Variants in TOPAZ1 observed in about 807,000 individuals in gnomAD.
TOPAZ1 encodes the protein testis and ovary specific TOPAZ 1.
In TOPAZ1, 66 loss-of-function variants were observed where a neutral mutation model predicts 172.2. The observed-to-expected ratio is 0.38, with a 90% CI of 0.31 to 0.47. The LOEUF is 0.47. TOPAZ1 is among the 20% of genes least tolerant of loss of function. The pLI, the probability that TOPAZ1 is intolerant of heterozygous loss-of-function variation, is 0.99. For synonymous variants in TOPAZ1, 681 were observed against 683.9 expected (o/e 1.00, Z 0.07); for missense variants, 1,822 against 1,972.4 (o/e 0.92, Z 1.44).
At chr3:44,330,182 G>C (rs1220531817) in intron 19 of TOPAZ1, among the ~76,000 whole-genome samples, 1 of 152,018 alleles carries the variant, frequency 6.6e-6, no homozygotes, top group Non-Finnish European at 1.5e-5. Flanking sequence ...TTTTCTTATA[G>C]TTCTTTTTTT....
At chr3:44,253,965 A>G (rs1699665029) in intron 2 of TOPAZ1, among the ~76,000 whole-genome samples, 1 of 152,152 alleles carries the variant, frequency 6.6e-6, no homozygotes, top group Admixed American at 6.5e-5. Context: ...ATTTTTGTCT[A>G]AGTGATTAAA....
rs1699539266 is a variant in TOPAZ1 at position 44,244,688 on chromosome 3, C to G, written c.2182C>G (p.Gln728Glu). 4 of 1,551,246 alleles carry G rather than the reference C, an allele frequency of 2.6e-6. No homozygotes were observed. The highest frequency in any genetic ancestry group is 2.0e-5 in the Admixed American group (1 of 50,966). The change falls in exon 2 of 20, where the codon CAG (glutamine) becomes GAG (glutamate). Residue 728 changes from glutamine (Q) to glutamate (E), a missense_variant. By Grantham distance (29) the Gln-to-Glu change is conservative (BLOSUM62 2). This residue lies in a region of TOPAZ1 where 1,489 missense variants were observed against 1,490.8 expected (regional missense o/e 1.00). Coordinates refer to ENST00000309765, the MANE Select transcript of TOPAZ1 (RefSeq NM_001145030.2). ...CAATTTATCTGGAGCAGACGTAAGA[C>G]AGAACAGGAGTAAAGAAAATGTCTC... ...LDNLSGADVR[Q>E]NRSKENVSMM...
intron 2 of TOPAZ1, among the ~76,000 whole-genome samples, chr3:44,249,042 A>G (rs557423681): frequency 1.3e-5 from 2 of 152,188 alleles, no homozygotes; most frequent in African/African-American, 2.4e-5. Flanking sequence ...TAATGGCTGA[A>G]ATTGGTAAAA....
intron 12 of TOPAZ1, among the ~76,000 whole-genome samples, chr3:44,295,525 G>A (rs993255280): frequency 6.6e-6 from 1 of 152,066 alleles, no homozygotes; most frequent in African/African-American, 2.4e-5. Context: ...TTCATTGTAA[G>A]GATATAGGTA....
At chr3:44,299,845 C>T (rs1394355153) in intron 12 of TOPAZ1, among the ~76,000 whole-genome samples, 7 of 144,112 alleles carry the variant, frequency 4.9e-5, no homozygotes, top group African/African-American at 1.5e-4. Context: ...AGTAAACTAT[C>T]GCAAGAACAA....
At chr3:44,319,900 A>C (rs1170969867) in intron 16 of TOPAZ1, among the ~76,000 whole-genome samples, 1 of 152,216 alleles carries the variant, frequency 6.6e-6, no homozygotes, top group Non-Finnish European at 1.5e-5. Context: ...CACAAAATAA[A>C]AGGATTACTT....
rs79510628 is a variant in TOPAZ1 at position 44,245,307 on chromosome 3, G to C, written c.2765+36G>C. On this transcript the variant is annotated intron_variant, in intron 2 of 19. Coordinates refer to ENST00000309765, the MANE Select transcript of TOPAZ1 (RefSeq NM_001145030.2). ...TCAAGTATTCCTTTTAGTGCAGATT[G>C]TTGGGGGTTAGAAAAGCAGTCTCTT... The C allele has an allele frequency of 2.2e-3, 3,227 of 1,475,154 alleles. 77 individuals carry two copies. In the African/African-American group the frequency reaches 0.041, roughly 19 times the overall value. 91.4% of individuals were successfully genotyped at this position (1,475,154 alleles called of 1,614,324 possible).
chr3:44,268,364 TTC>T lies in TOPAZ1; in HGVS notation c.3161-850_3161-849del, dbSNP rs1491068817. Among the ~76,000 whole-genome samples the T allele has an allele frequency of 1.2e-3, 130 of 111,684 alleles. 3 individuals carry two copies. Among genetic ancestry groups the T allele is most frequent in the South Asian group, 5.0e-3 (15 of 3,022 alleles). 73.3% of individuals were successfully genotyped at this position (111,684 alleles called of 152,430 possible). On this transcript the variant is annotated intron_variant, in intron 6 of 19. Transcript: ENST00000309765. ...AAGAGTGTAAGCTCTGTGGTGCCTA[TTC>T]TTTTTTTTTTTTTTTTTTTTTTTTT...
chr3:44,244,232 T>C lies in TOPAZ1; in HGVS notation c.1726T>C (p.Ser576Pro). 6.5e-7 allele frequency: 1 copy of C among 1,549,356 alleles called. No homozygotes were observed. Among genetic ancestry groups the C allele is most frequent in the African/African-American group, 1.4e-5 (1 of 73,000 alleles). ...DSNSNCLSSV[S>P]AVEPTLMVIK... ...TAATTCTAATTGTTTGTCTTCAGTT[T>C]CTGCAGTAGAACCTACTTTAATGGT... Residue 576 changes from serine to proline, a missense_variant, in exon 2 of 20, where the codon TCT becomes CCT. Transcript: ENST00000309765.
chr3:44,292,992 G>T (rs765231414), intron 12 of TOPAZ1, among the ~76,000 whole-genome samples: 1 of 152,026 alleles, frequency 6.6e-6, no homozygotes, highest in African/African-American at 2.4e-5. Flanking sequence ...ACAGTTATGT[G>T]CCCCATAATA....
At position 44,267,154 on chromosome 3, in the gene TOPAZ1, A is replaced by G. The variant is rs1266226506; in HGVS notation, c.3160+18A>G. ...GATGAATGGTACTATTTGTTTTCTTAATGAAATCCTGTTGGCTTTTGGTGA... is the reference window on the plus strand; with the variant it reads ...GATGAATGGTACTATTTGTTTTCTTGATGAAATCCTGTTGGCTTTTGGTGA... On this transcript the variant is annotated intron_variant, in intron 6 of 19. Coordinates refer to ENST00000309765, the MANE Select transcript of TOPAZ1 (RefSeq NM_001145030.2). The G allele has an allele frequency of 6.7e-7, 1 of 1,483,334 alleles. No homozygotes were observed. The highest frequency in any genetic ancestry group is 2.6e-5 in the East Asian group (1 of 39,176). The allele number at this position is 1,483,334 out of a possible 1,614,324, so 91.9% of individuals were successfully genotyped here. A position where few individuals can be genotyped will look rare whatever the true frequency, so the allele number is the denominator to read the frequency against.
intron 2 of TOPAZ1, among the ~76,000 whole-genome samples, chr3:44,253,140 T>C (rs1377163702): frequency 6.6e-6 from 1 of 152,140 alleles, no homozygotes; most frequent in Non-Finnish European, 1.5e-5. Flanking sequence ...GACCATAGAA[T>C]TTACCTTCTG....
intron 5 of TOPAZ1, among the ~76,000 whole-genome samples, chr3:44,265,388 C>G (rs903242548): frequency 3.0e-4 from 46 of 152,102 alleles, no homozygotes; most frequent in African/African-American, 1.0e-3. Context: ...GAAACCCCAC[C>G]TCTACTAAAA....
At chr3:44,300,634 G>C (rs1436507462) in intron 12 of TOPAZ1, among the ~76,000 whole-genome samples, 1 of 152,078 alleles carries the variant, frequency 6.6e-6, no homozygotes, top group African/African-American at 2.4e-5. Context: ...GCTGGGGAGA[G>C]TGTGGATAAA....
intron 13 of TOPAZ1, 125 bp downstream of exon 13, chr3:44,304,206 T>C (rs1021727010): frequency 5.7e-6 from 3 of 522,388 alleles, no homozygotes; most frequent in Non-Finnish European, 1.0e-5. Context: ...ACAGAGAAAA[T>C]GCTCAAGGAA....
intron 18 of TOPAZ1, among the ~76,000 whole-genome samples, chr3:44,326,871 C>A (rs1700606506): frequency 6.6e-6 from 1 of 151,836 alleles, no homozygotes; most frequent in Non-Finnish European, 1.5e-5. Context: ...AAAAAAAAAT[C>A]GTATTAGTAG....
intron 5 of TOPAZ1, among the ~76,000 whole-genome samples, chr3:44,265,134 A>G (rs75260356): frequency 6.6e-6 from 1 of 152,228 alleles, no homozygotes; most frequent in Non-Finnish European, 1.5e-5. Context: ...TACTTTGTCA[A>G]GATCCATCAG....
Position 44,244,453 on chromosome 3 carries a change from G to A in TOPAZ1, c.1947G>A (p.Gln649=). The change falls in exon 2 of 20, where the codon CAG becomes CAA. Residue 649 remains glutamine (Q), a synonymous_variant. Transcript: ENST00000309765. ...LNLTATSKDG[Q]EANNSAGKTI... is the part of the protein sequence containing the mutation. ...TGACAGCGACTTCCAAAGATGGTCA[G>A]GAAGCAAATAACTCTGCAGGCAAAA... is the stretch of plus-strand genomic sequence containing the variant. 1 of 1,551,654 alleles carries A rather than the reference G, an allele frequency of 6.4e-7. No homozygotes were observed. Among genetic ancestry groups the A allele is most frequent in the Non-Finnish European group, 8.7e-7 (1 of 1,146,952 alleles).
intron 2 of TOPAZ1, among the ~76,000 whole-genome samples, chr3:44,246,765 CT>C (rs1406379033): frequency 6.6e-6 from 1 of 152,152 alleles, no homozygotes; most frequent in Non-Finnish European, 1.5e-5. Flanking sequence ...ACTATGTGAC[CT>C]TTTAGGCAAA....
Sources: allele counts gnomAD v4.1 joint callset (sites outside exome capture counted in the v4.1 genomes callset), GRCh38; gene constraint gnomAD v4.1.1; regional missense constraint gnomAD v4.1.1; transcripts MANE v1.5; gene names NCBI Gene and HGNC (gene_info 2026-07-23, HGNC 2026-07-21).